The following TUBA8 variants were observed in gnomAD, a reference collection of about 807,000 sequenced individuals.
The protein encoded by TUBA8 is tubulin alpha 8.
TUBA8 carries 29 observed loss-of-function variants against 34.7 expected under a neutral mutation model. That is an observed-to-expected ratio of 0.84 (90% CI 0.62 to 1.14). TUBA8 has a LOEUF of 1.14. Ranked by LOEUF, TUBA8 falls within the 50% of genes most tolerant of loss-of-function variation. The pLI, the probability that TUBA8 is intolerant of heterozygous loss-of-function variation, is 0.00. For synonymous variants in TUBA8, 226 were observed against 231.2 expected (o/e 0.98, Z 0.21); for missense variants, 541 against 599.2 (o/e 0.90, Z 1.01).
intron 1 of TUBA8, chr22:18,115,906 T>C (rs950478861): frequency 2.0e-5 from 3 of 152,000 alleles, no homozygotes; most frequent in Non-Finnish European, 4.4e-5. Flanking sequence ...CCAGAAGAAG[T>C]TGGGTGGGAC....
Position 18,121,660 on chromosome 22 carries a change from T to C in TUBA8, c.185T>C (p.Val62Ala). The C allele has an allele frequency of 6.2e-7, 1 of 1,614,230 alleles. No homozygotes were observed. Among genetic ancestry groups the C allele is most frequent in the African/African-American group, 1.3e-5 (1 of 75,052 alleles). The change falls in exon 2 of 5, where the codon GTG becomes GCG. Residue 62 changes from valine (V) to alanine (A), a missense_variant. Transcript: ENST00000330423. The surrounding 1 kb of genome is among the most constrained non-coding windows in gnomAD (Gnocchi z 4.8). ...FFSETGNGKH[V>A]PRAVMIDLEP... ...AGCGAGACTGGCAATGGGAAGCATG[T>C]GCCCCGGGCCGTCATGATAGATCTG...
Position 18,130,934 on chromosome 22 carries a change from C to T in TUBA8, c.1148C>T (p.Ala383Val), listed in dbSNP as rs1247552290. 2 of 1,614,192 alleles carry T rather than the reference C, an allele frequency of 1.2e-6. No individual in the cohort carries two copies. The highest frequency in any genetic ancestry group is 1.7e-6 in the Non-Finnish European group (2 of 1,180,038). Residue 383 changes from alanine to valine, a missense_variant, in exon 5 of 5, where the codon GCC becomes GTC. By Grantham distance (64) the Ala-to-Val change is moderately conservative. Coordinates refer to ENST00000330423, the MANE Select transcript of TUBA8 (RefSeq NM_018943.3). ...RAVCMLSNTT[A>V]IAEAWARLDH... ...GTCTGCATGCTCAGCAACACCACGG[C>T]CATTGCGGAGGCCTGGGCCCGCCTC...
At chr22:18,114,496 T>G (rs1189743515) in intron 1 of TUBA8, 1 of 152,222 alleles carries the variant, frequency 6.6e-6, no homozygotes, top group Non-Finnish European at 1.5e-5. Context: ...ATGAGTGATC[T>G]CAAATATGCC....
Position 18,118,113 on chromosome 22 carries a change from C to T in TUBA8, c.4-3366C>T, listed in dbSNP as rs561713269. The T allele has an allele frequency of 6.6e-6, 1 of 152,296 alleles. No individual in the cohort carries two copies. The highest frequency in any genetic ancestry group is 1.9e-4 in the East Asian group (1 of 5,170). 9.4% of individuals were successfully genotyped at this position (152,296 alleles called of 1,614,324 possible). A position where few individuals can be genotyped will look rare whatever the true frequency, so the allele number is the denominator to read the frequency against. On this transcript the variant is annotated intron_variant, in intron 1 of 4. Transcript: ENST00000330423. The surrounding 1 kb of genome is among the most constrained non-coding windows in gnomAD (Gnocchi z 4.0). The stretch of plus-strand genomic sequence containing the variant: ...CTGGCGACCCTGGTAGTTACGTCCC[C>T]CCTTGTGACTATAACAGTGGTTCTT...
chr22:18,131,298 G>T lies in TUBA8; in HGVS notation c.*162G>T. The T allele has an allele frequency of 1.4e-6, 1 of 705,202 alleles. No individual in the cohort carries two copies. The highest frequency in any genetic ancestry group is 2.4e-6 in the Non-Finnish European group (1 of 416,626). The allele number at this position is 705,202 out of a possible 1,614,324, so 43.7% of individuals were successfully genotyped here. On this transcript the variant is annotated 3_prime_UTR_variant, in exon 5 of 5. Coordinates refer to ENST00000330423, the MANE Select transcript of TUBA8 (RefSeq NM_018943.3). The surrounding 1 kb of genome is among the most constrained non-coding windows in gnomAD (Gnocchi z 5.3). The stretch of plus-strand genomic sequence containing the variant: ...CCAGGGTGGCACGACTGGGCTAAGT[G>T]GACACTGAGCTTCATCAGGCCCTCC...
chr22:18,117,939 T>C (rs1425917635), intron 1 of TUBA8: 2 of 152,184 alleles, frequency 1.3e-5, no homozygotes, highest in African/African-American at 2.4e-5. Flanking sequence ...AAGTGGAAAC[T>C]GAATCTACAG....
At position 18,124,533 on chromosome 22, in the gene TUBA8, T is replaced by A. The variant is rs544857983; in HGVS notation, c.375+229T>A. On this transcript the variant is annotated intron_variant, in intron 3 of 4. Transcript: ENST00000330423. The surrounding 1 kb of genome is among the most constrained non-coding windows in gnomAD (Gnocchi z 4.3). ...TTCCAGGCTGAGGCCCTACTCATACTCATTGATACTCTCTGTTAGTATCTG... is the reference window on the plus strand; with the variant it reads ...TTCCAGGCTGAGGCCCTACTCATACACATTGATACTCTCTGTTAGTATCTG... 26 of 522,562 alleles carry A rather than the reference T, an allele frequency of 5.0e-5. No individual in the cohort carries two copies. In the South Asian group the frequency reaches 7.6e-4, roughly 15 times the overall value. The allele number at this position is 522,562 out of a possible 1,614,324, so 32.4% of individuals were successfully genotyped here.
rs1168992399 is a variant in TUBA8, at chr22:18,121,369, A to G, written c.4-110A>G. 1.0e-6 allele frequency: 1 copy of G among 957,932 alleles called. No homozygotes were observed. The highest frequency in any genetic ancestry group is 1.7e-6 in the Non-Finnish European group (1 of 593,438). The allele number at this position is 957,932 out of a possible 1,614,324, so 59.3% of individuals were successfully genotyped here. A position where few individuals can be genotyped will look rare whatever the true frequency, so the allele number is the denominator to read the frequency against. ...CCTGCAGCCTCAACGCCAACTGGCA[A>G]TGGGGGGCTGGGGCCTGGCTGGCCT... On this transcript the variant is annotated intron_variant, in intron 1 of 4. Transcript: ENST00000330423. The surrounding 1 kb of genome is among the most constrained non-coding windows in gnomAD (Gnocchi z 4.8).
Position 18,111,234 on chromosome 22 carries a change from G to C in TUBA8, c.3+366G>C, listed in dbSNP as rs964673652. 8.0e-6 allele frequency: 3 copies of C among 372,786 alleles called. No homozygotes were observed. Among genetic ancestry groups the C allele is most frequent in the Non-Finnish European group, 1.5e-5 (3 of 205,412 alleles). The allele number at this position is 372,786 out of a possible 1,614,324, so 23.1% of individuals were successfully genotyped here. Reference sequence around the variant, plus strand: ...AAGGGCGAGTCCGGGGATTCTGGATGGGTGGTCTGGGCCGGGGCGACTGGG... The same window carrying C: ...AAGGGCGAGTCCGGGGATTCTGGATCGGTGGTCTGGGCCGGGGCGACTGGG... On this transcript the variant is annotated intron_variant, in intron 1 of 4. Coordinates refer to ENST00000330423, the MANE Select transcript of TUBA8 (RefSeq NM_018943.3). This position sits in a 1 kb window ranked among gnomAD's most constrained non-coding sequence, Gnocchi z 5.1.
In TUBA8 at chr22:18,119,755, C is replaced by T. The variant is rs362172; in HGVS notation, c.4-1724C>T. 0.03 allele frequency: 4,550 copies of T among 152,420 alleles called. 340 individuals are homozygous for T. In the East Asian group the frequency reaches 0.33, roughly 11 times the overall value. The allele number at this position is 152,420 out of a possible 1,614,324, so 9.4% of individuals were successfully genotyped here. On this transcript the variant is annotated intron_variant, in intron 1 of 4. Coordinates refer to ENST00000330423, the MANE Select transcript of TUBA8 (RefSeq NM_018943.3). The surrounding 1 kb of genome is among the most constrained non-coding windows in gnomAD (Gnocchi z 5.9). ...GGCAATGGTCCTGATGCTCTGACCC[C>T]GCAAGATGCTACTCAGGGCAGCTGC...
At chr22:18,130,719 C>T (rs1429802223) in intron 4 of TUBA8, 124 bp from the exon 5 acceptor site, 3 of 1,291,680 alleles carry the variant, frequency 2.3e-6, no homozygotes, top group South Asian at 2.5e-5. Context: ...ATCCCATAGC[C>T]CCACTCCCAC....
At chr22:18,113,694 T>C (rs1038393858) in intron 1 of TUBA8, 3 of 152,260 alleles carry the variant, frequency 2.0e-5, no homozygotes, top group African/African-American at 7.2e-5. Flanking sequence ...TTGATAGGTG[T>C]ATTCTGACCT....
At position 18,121,641 on chromosome 22, in the gene TUBA8, A is replaced by T. The variant is rs575784867; in HGVS notation, c.166A>T (p.Thr56Ser). 42 of 1,614,198 alleles carry T rather than the reference A, an allele frequency of 2.6e-5. No homozygotes were observed. The highest frequency in any genetic ancestry group is 1.5e-4 in the South Asian group (14 of 91,086). The change falls in exon 2 of 5, where the codon ACT becomes TCT. Residue 56 changes from threonine to serine, a missense_variant. Transcript: ENST00000330423. This position sits in a 1 kb window ranked among gnomAD's most constrained non-coding sequence, Gnocchi z 4.8. Reference sequence around the variant, plus strand: ...CTCCTTCACCACCTTTTTCAGCGAGACTGGCAATGGGAAGCATGTGCCCCG... The same window carrying T: ...CTCCTTCACCACCTTTTTCAGCGAGTCTGGCAATGGGAAGCATGTGCCCCG... ...DDSFTTFFSE[T>S]GNGKHVPRAV... is the part of the protein sequence containing the mutation.
At chr22:18,113,525 C>T (rs1215181971) in intron 1 of TUBA8, 1 of 152,258 alleles carries the variant, frequency 6.6e-6, no homozygotes, top group Non-Finnish European at 1.5e-5. Flanking sequence ...TGCAACACGG[C>T]TTCTTTAACT....
In TUBA8 at chr22:18,124,361, C is replaced by T. The variant is rs550230941; in HGVS notation, c.375+57C>T. 1,724 of 1,575,716 alleles carry T rather than the reference C, an allele frequency of 1.1e-3. 1 individual carries two copies. Among genetic ancestry groups the T allele is most frequent in the Non-Finnish European group, 1.4e-3 (1,670 of 1,158,616 alleles). ...CAGGCTGGAGTGGACAGGCTTGGCCCCATGCCTCTTTGATCAGGCTAGGGA... is the reference window on the plus strand; with the variant it reads ...CAGGCTGGAGTGGACAGGCTTGGCCTCATGCCTCTTTGATCAGGCTAGGGA... On this transcript the variant is annotated intron_variant, in intron 3 of 4. Transcript: ENST00000330423. The surrounding 1 kb of genome is among the most constrained non-coding windows in gnomAD (Gnocchi z 4.3).
Position 18,126,786 on chromosome 22 carries a change from G to A in TUBA8, c.808G>A (p.Val270Ile). 6.2e-7 allele frequency: 1 copy of A among 1,613,958 alleles called. No homozygotes were observed. Among genetic ancestry groups the A allele is most frequent in the Non-Finnish European group, 8.5e-7 (1 of 1,180,004 alleles). The change falls in exon 4 of 5, where the codon GTC becomes ATC. Residue 270 changes from valine (V) to isoleucine (I), a missense_variant. By Grantham distance (29) the Val-to-Ile change is conservative. Transcript: ENST00000330423. The surrounding 1 kb of genome is among the most constrained non-coding windows in gnomAD (Gnocchi z 4.0). The part of the protein sequence containing the change: ...VPYPRIHFPL[V>I]TYAPIISAEK... Reference sequence around the variant, plus strand: ...CTACCCCCGCATCCACTTCCCGCTGGTCACCTACGCGCCCATCATCTCTGC... The same window carrying A: ...CTACCCCCGCATCCACTTCCCGCTGATCACCTACGCGCCCATCATCTCTGC...
At chr22:18,130,495 T>G (rs1928461114) in intron 4 of TUBA8, 1 of 355,432 alleles carries the variant, frequency 2.8e-6, no homozygotes. Flanking sequence ...CCACTGTAGC[T>G]CACTGCAGCC....
intron 1 of TUBA8, chr22:18,112,761 A>G (rs1927851686): frequency 6.6e-6 from 1 of 152,246 alleles, no homozygotes; most frequent in East Asian, 1.9e-4. Context: ...AGTAGGTTCT[A>G]TCTAGAACAT....
chr22:18,123,981 T>C (rs1167395662), intron 2 of TUBA8, 175 bp from the exon 3 acceptor site: 59 of 756,120 alleles, frequency 7.8e-5, no homozygotes, highest in Non-Finnish European at 1.2e-4. Flanking sequence ...TGTTAGTCCC[T>C]GAGCTACCCG....
Sources: gnomAD v4.1 joint callset for allele counts on GRCh38, gnomAD v4.1.1 for gene constraint, Gnocchi (gnomAD v3.1) non-coding constraint, MANE v1.5 for transcripts, NCBI Gene and HGNC (gene_info 2026-07-23, HGNC 2026-07-21) for gene names.